The following ALG2 variants were observed in gnomAD, a reference collection of about 807,000 sequenced individuals.
ALG2 encodes the protein ALG2 alpha-1,3/1,6-mannosyltransferase.
ALG2 carries 32 observed loss-of-function variants against 30.5 expected under a neutral mutation model. The observed-to-expected ratio is 1.05, with a 90% CI of 0.79 to 1.41. ALG2 has a LOEUF of 1.41. Among genes scored for constraint, ALG2 ranks in the 40% most tolerant of loss-of-function variants. The probability of loss-of-function intolerance (pLI) is 0.00; values close to 1 mark genes in which losing one functional copy is unlikely to be tolerated. For synonymous variants in ALG2, 253 were observed against 224.8 expected (o/e 1.13, Z -1.12); for missense variants, 574 against 526.4 (o/e 1.09, Z -0.88).
intron 1 of ALG2, 44 bp downstream of exon 1, chr9:99,221,503 C>A: frequency 2.6e-6 from 4 of 1,532,984 alleles, no homozygotes; most frequent in Non-Finnish European, 3.5e-6. Flanking sequence ...CCGCCCTCCA[C>A]GGCGAGGTCC....
chr9:99,221,861 C>G lies in ALG2; in HGVS notation c.34G>C (p.Val12Leu), dbSNP rs772431589. ...AGGAACAGCACCGACGGCTTGGGAA[C>G]CGAGTCCCGTTCCCGGCCCTGCTCC... ...AEEQGRERDS[V>L]PKPSVLFLHP... Residue 12 changes from valine (V) to leucine (L), a missense_variant, in exon 1 of 2, where the codon GTT becomes CTT. Physicochemically the swap from Val to Leu is conservative, Grantham distance 32. Transcript: ENST00000476832. 2 of 1,592,338 alleles carry G rather than the reference C, an allele frequency of 1.3e-6. No individual in the cohort carries two copies. Among genetic ancestry groups the G allele is most frequent in the African/African-American group, 1.3e-5 (1 of 74,766 alleles).
Position 99,221,749 on chromosome 9 carries a change from A to T in ALG2, c.146T>A (p.Ile49Asn). ...GCCCGGGTCGTAGTGCGCTGTCCAG[A>T]TCTTCACGCTACACCCGCGCGCCTG... ...ALQARGCSVK[I>N]WTAHYDPGHC... Residue 49 changes from isoleucine (I) to asparagine (N), a missense_variant, in exon 1 of 2, where the codon ATC becomes AAC. Coordinates refer to ENST00000476832, the MANE Select transcript of ALG2 (RefSeq NM_033087.4). 6.3e-7 allele frequency: 1 copy of T among 1,598,956 alleles called. No homozygotes were observed. Among genetic ancestry groups the T allele is most frequent in the South Asian group, 1.1e-5 (1 of 91,058 alleles).
Position 99,218,659 on chromosome 9 carries a change from T to C in ALG2, c.526A>G (p.Asn176Asp). ...AAAACAGCAGCTGTGAACTGGCTGT[T>C]GACTAAGATGCAGTCTGCCATGCCT... The part of the protein sequence containing the change: ...TTGMADCILV[N>D]SQFTAAVFKE... Residue 176 changes from asparagine (N) to aspartate (D), a missense_variant, in exon 2 of 2, where the codon AAC (asparagine) becomes GAC (aspartate). Physicochemically the swap from Asn to Asp is conservative, Grantham distance 23. Coordinates refer to ENST00000476832, the MANE Select transcript of ALG2 (RefSeq NM_033087.4). 1 of 1,614,182 alleles carries C rather than the reference T, an allele frequency of 6.2e-7. No homozygotes were observed. The highest frequency in any genetic ancestry group is 1.1e-5 in the South Asian group (1 of 91,082).
In ALG2 at chr9:99,217,691, G is replaced by A. The variant is rs1164365070; in HGVS notation, c.*243C>T. 3.1e-6 allele frequency: 2 copies of A among 638,730 alleles called. No individual in the cohort carries two copies. The highest frequency in any genetic ancestry group is 3.2e-5 in the East Asian group (1 of 31,040). 39.6% of individuals were successfully genotyped at this position (638,730 alleles called of 1,614,324 possible). ...TAATTAAAATACTCTGCTGAACATG[G>A]AATGACACCACATTTGTAACTTAAC... On this transcript the variant is annotated 3_prime_UTR_variant, in exon 2 of 2. Coordinates refer to ENST00000476832, the MANE Select transcript of ALG2 (RefSeq NM_033087.4).
chr9:99,221,803 C>G lies in ALG2; in HGVS notation c.92G>C (p.Arg31Pro), dbSNP rs1279623882. Residue 31 changes from arginine to proline, a missense_variant, in exon 1 of 2, where the codon CGG (arginine) becomes CCG (proline). By Grantham distance (103) the Arg-to-Pro change is moderately radical. Transcript: ENST00000476832. Reference protein sequence around the residue: ...HPDLGVGGAERLVLDAALALQ... With the variant: ...HPDLGVGGAEPLVLDAALALQ... ...CGCCAGCGCCGCGTCCAACACCAGC[C>G]GCTCAGCGCCGCCCACGCCCAGGTC... 18 of 1,597,732 alleles carry G rather than the reference C, an allele frequency of 1.1e-5. No individual in the cohort carries two copies. Among genetic ancestry groups the G allele is most frequent in the Non-Finnish European group, 1.5e-5 (18 of 1,179,288 alleles).
At position 99,221,851 on chromosome 9, in the gene ALG2, G is replaced by A. The variant is rs757920586; in HGVS notation, c.44C>T (p.Pro15Leu). Reference sequence around the variant, plus strand: ...GTCTGGGTGGAGGAACAGCACCGACGGCTTGGGAACCGAGTCCCGTTCCCG... The same window carrying A: ...GTCTGGGTGGAGGAACAGCACCGACAGCTTGGGAACCGAGTCCCGTTCCCG... ...QGRERDSVPK[P>L]SVLFLHPDLG... Residue 15 changes from proline (P) to leucine (L), a missense_variant, in exon 1 of 2, where the codon CCG becomes CTG. Pro to Leu is a moderately conservative substitution (Grantham distance 98). Transcript: ENST00000476832. The A allele has an allele frequency of 5.0e-6, 8 of 1,594,296 alleles. No individual in the cohort carries two copies. The highest frequency in any genetic ancestry group is 6.8e-6 in the Non-Finnish European group (8 of 1,177,652).
intron 1 of ALG2, chr9:99,221,094 G>T (rs759656450): frequency 2.2e-6 from 3 of 1,362,096 alleles, no homozygotes; most frequent in Admixed American, 3.8e-5. Flanking sequence ...GCTGAGGACG[G>T]TGTGGCCTGG....
At position 99,221,579 on chromosome 9, in the gene ALG2, C is replaced by A; in HGVS notation, c.316G>T (p.Asp106Tyr). 6.5e-7 allele frequency: 1 copy of A among 1,544,566 alleles called. No individual in the cohort carries two copies. The highest frequency in any genetic ancestry group is 2.4e-5 in the East Asian group (1 of 40,866). ...FLALYVLFLA[D>Y]EEFDVVVCDQ... is the part of the protein sequence containing the mutation. The stretch of plus-strand genomic sequence containing the variant: ...CACACTACCACGTCGAACTCCTCGT[C>A]GGCGAGGAACAGCACGTAGAGCGCC... The change falls in exon 1 of 2, where the codon GAC (aspartate) becomes TAC (tyrosine). Residue 106 changes from aspartate to tyrosine, a missense_variant. Coordinates refer to ENST00000476832, the MANE Select transcript of ALG2 (RefSeq NM_033087.4).
intron 1 of ALG2, chr9:99,220,909 G>C: frequency 7.7e-7 from 1 of 1,299,352 alleles, no homozygotes; most frequent in Non-Finnish European, 1.0e-6. Flanking sequence ...TCTTTTTTAG[G>C]ATGGGGAAAA....
chr9:99,220,916 A>G, intron 1 of ALG2: 2 of 1,300,536 alleles, frequency 1.5e-6, no homozygotes, highest in South Asian at 1.2e-5. Flanking sequence ...TAGGATGGGG[A>G]AAAATGCACG....
chr9:99,218,141 T>G lies in ALG2; in HGVS notation c.1044A>C (p.Gly348=). 1.2e-6 allele frequency: 2 copies of G among 1,611,282 alleles called. No individual in the cohort carries two copies. Among genetic ancestry groups the G allele is most frequent in the Non-Finnish European group, 1.7e-6 (2 of 1,177,900 alleles). ...CACTGTGGTCAATGGACTCCAAGGG[T>G]CCACCCGAATTAACAGCAATGACTG... ...QCPVIAVNSG[G]PLESIDHSVT... Residue 348 remains glycine (G), a synonymous_variant, in exon 2 of 2, where the codon GGA becomes GGC. Transcript: ENST00000476832.
chr9:99,221,423 TCTC>T lies in ALG2; in HGVS notation c.348+121_348+123del. 11 of 1,164,882 alleles carry T rather than the reference TCTC, an allele frequency of 9.4e-6. No homozygotes were observed. The South Asian group carries it at 1.3e-4, about 14-fold the overall frequency. 72.2% of individuals were successfully genotyped at this position (1,164,882 alleles called of 1,614,324 possible). On this transcript the variant is annotated intron_variant, in intron 1 of 1. Transcript: ENST00000476832. ...CACAGGCTCGCTCACAACCCTGACT[TCTC>T]CATGTCAGTTCCGATCTTTGCGAAC... is the stretch of plus-strand genomic sequence containing the variant.
intron 1 of ALG2, among the ~76,000 whole-genome samples, chr9:99,220,712 T>C (rs1828779439): frequency 6.6e-6 from 1 of 152,178 alleles, no homozygotes; most frequent in Admixed American, 6.5e-5. Context: ...ATACCAATTA[T>C]GTACCAATAA....
rs756258238 is a variant in ALG2 at position 99,217,900 on chromosome 9, A to C, written c.*34T>G. The C allele has an allele frequency of 1.2e-6, 2 of 1,606,904 alleles. No individual in the cohort carries two copies. Among genetic ancestry groups the C allele is most frequent in the South Asian group, 1.1e-5 (1 of 90,932 alleles). ...CAAAACTGGGTCTACAATCCATAAA[A>C]ATGACATTAATGGAGATCTTAAAAA... On this transcript the variant is annotated 3_prime_UTR_variant, in exon 2 of 2. Transcript: ENST00000476832.
rs1272919288 is a variant in ALG2 at position 99,221,665 on chromosome 9, C to G, written c.230G>C (p.Arg77Pro). The G allele has an allele frequency of 1.3e-6, 2 of 1,550,876 alleles. No individual in the cohort carries two copies. The highest frequency in any genetic ancestry group is 1.9e-5 in the Admixed American group (1 of 52,424). ...PVRCAGDWLP[R>P]GLGWGGRGAA... The stretch of plus-strand genomic sequence containing the variant: ...GCCGCGGCCGCCCCAGCCCAGGCCT[C>G]GCGGCAGCCAGTCCCCGGCACAGCG... Residue 77 changes from arginine to proline, a missense_variant, in exon 1 of 2, where the codon CGA (arginine) becomes CCA (proline). By Grantham distance (103) the Arg-to-Pro change is moderately radical (BLOSUM62 -2). Coordinates refer to ENST00000476832, the MANE Select transcript of ALG2 (RefSeq NM_033087.4).
chr9:99,216,758 AATTATCTCACTT>A lies in ALG2; in HGVS notation c.*1164_*1175del. ...CACTATGAGGAAAGTAGAATAGTAC[AATTATCTCACTT>A]TGCAGATGAAGAAGCTGAGGTATAG... On this transcript the variant is annotated 3_prime_UTR_variant, in exon 2 of 2. Coordinates refer to ENST00000476832, the MANE Select transcript of ALG2 (RefSeq NM_033087.4). The A allele has an allele frequency of 2.2e-6, 1 of 453,856 alleles. No individual in the cohort carries two copies. Among genetic ancestry groups the A allele is most frequent in the Non-Finnish European group, 4.4e-6 (1 of 226,646 alleles). 28.1% of individuals were successfully genotyped at this position (453,856 alleles called of 1,614,324 possible).
At chr9:99,221,522 G>T (rs758777017) in intron 1 of ALG2, 25 bp downstream of exon 1, 1 of 1,539,804 alleles carries the variant, frequency 6.5e-7, no homozygotes, top group South Asian at 1.2e-5. Flanking sequence ...CCGCACTCGC[G>T]CAGCCGGCCC....
At chr9:99,221,402 G>A in intron 1 of ALG2, 145 bp downstream of exon 1, 1 of 1,007,662 alleles carries the variant, frequency 9.9e-7, no homozygotes. Flanking sequence ...GAGAACCACA[G>A]GCTCGCTCAC....
intron 1 of ALG2, among the ~76,000 whole-genome samples, chr9:99,219,832 T>C (rs1207235632): frequency 2.6e-5 from 4 of 152,236 alleles, no homozygotes; most frequent in African/African-American, 9.6e-5. Flanking sequence ...ATTTTTCCTC[T>C]ACCCACTATA....
Sources: gnomAD v4.1 joint callset for allele counts (sites outside exome capture counted in the v4.1 genomes callset) on GRCh38, gnomAD v4.1.1 for gene constraint, MANE v1.5 for transcripts, NCBI Gene and HGNC (gene_info 2026-07-23, HGNC 2026-07-21) for gene names.